ANO3: variants seen among roughly 807,000 people sequenced by gnomAD.
The protein encoded by ANO3 is anoctamin-3.
A neutral mutation model predicts 144.8 loss-of-function variants in ANO3; 99 were observed. That is an observed-to-expected ratio of 0.68 (90% CI 0.58 to 0.81). ANO3 has a LOEUF of 0.81. ANO3 is among the 30% of genes least tolerant of loss of function. ANO3 has a pLI of 0.00. For missense variants in ANO3, 905 were observed against 1,202.2 expected, an observed-to-expected ratio of 0.75 and a Z score of 3.66; for synonymous variants, 414 against 392.6, an observed-to-expected ratio of 1.05 and a Z score of -0.64.
chr11:26,542,201 T>G (rs1261838067), intron 11 of ANO3, 133 bp downstream of exon 11: 1 of 955,860 alleles, frequency 1.0e-6, no homozygotes, highest in Non-Finnish European at 1.4e-6. Flanking sequence ...GATTTTTCAG[T>G]AAAAGAATCT....
intron 1 of ANO3, among the ~76,000 whole-genome samples, chr11:26,208,527 A>G (rs1273297059): frequency 6.8e-6 from 1 of 148,080 alleles, no homozygotes; most frequent in Non-Finnish European, 1.5e-5. Context: ...AAAAAAAAAA[A>G]GGAATTGCAG....
chr11:26,655,402 C>T (rs369814024), intron 24 of ANO3, among the ~76,000 whole-genome samples: 2 of 152,298 alleles, frequency 1.3e-5, no homozygotes, highest in African/African-American at 4.8e-5. Flanking sequence ...GGACTTTTCT[C>T]TCTCTGGAAC....
intron 1 of ANO3, among the ~76,000 whole-genome samples, chr11:26,231,078 C>T (rs1259673423): frequency 6.6e-6 from 1 of 151,864 alleles, no homozygotes; most frequent in Non-Finnish European, 1.5e-5. Flanking sequence ...GGGGTTTCAA[C>T]ATGTTGGTCA....
intron 1 of ANO3, among the ~76,000 whole-genome samples, chr11:26,224,701 G>A (rs988084889): frequency 2.0e-5 from 3 of 152,212 alleles, no homozygotes; most frequent in African/African-American, 7.2e-5. Context: ...TTCTTCAACT[G>A]TTCATTAAAA....
At chr11:26,414,676 G>A (rs867377604) in intron 1 of ANO3, among the ~76,000 whole-genome samples, 24 of 150,882 alleles carry the variant, frequency 1.6e-4, no homozygotes, top group Admixed American at 2.7e-4. Context: ...GTTGATAGGT[G>A]CAGCCAGCCA....
chr11:26,227,515 C>A (rs1852281185), intron 1 of ANO3, among the ~76,000 whole-genome samples: 1 of 152,128 alleles, frequency 6.6e-6, no homozygotes, highest in African/African-American at 2.4e-5. Flanking sequence ...GCTGTGAAAC[C>A]AAATCCATAT....
At chr11:26,415,617 T>C (rs7108703) in intron 1 of ANO3, among the ~76,000 whole-genome samples, 51,364 of 151,854 alleles carry the variant, frequency 0.34, 10,511 homozygotes, top group African/African-American at 0.58. Flanking sequence ...TATTTATTGT[T>C]CCATTTTCCT....
At chr11:26,600,946 G>A (rs992965999) in intron 17 of ANO3, among the ~76,000 whole-genome samples, 2 of 152,048 alleles carry the variant, frequency 1.3e-5, no homozygotes, top group Non-Finnish European at 2.9e-5. Context: ...TGGTTAATGG[G>A]ACAAGAGTAT....
intron 4 of ANO3, among the ~76,000 whole-genome samples, chr11:26,504,528 A>C (rs911325827): frequency 1.3e-5 from 2 of 152,080 alleles, no homozygotes; most frequent in African/African-American, 4.8e-5. Flanking sequence ...TTAATGAATA[A>C]ATTAGCTAGC....
chr11:26,407,076 G>GTGTGTATATA (rs1304651169), intron 1 of ANO3, among the ~76,000 whole-genome samples: 6 of 101,486 alleles, frequency 5.9e-5, no homozygotes, highest in African/African-American at 1.9e-4. Flanking sequence ...GTGTGTGTGT[G>GTGTGTATATA]TATATATATA....
At chr11:26,246,133 C>T (rs116882139) in intron 1 of ANO3, among the ~76,000 whole-genome samples, 2,601 of 152,202 alleles carry the variant, frequency 0.017, 30 homozygotes, top group Non-Finnish European at 0.024. Context: ...AAGGCATCTT[C>T]AGTTCAGCAT....
chr11:26,599,465 G>T lies in ANO3; in HGVS notation c.1672-85G>T. 6 of 1,319,788 alleles carry T rather than the reference G, an allele frequency of 4.5e-6. No individual in the cohort carries two copies. In the South Asian group the frequency reaches 7.1e-5, roughly 16 times the overall value. 81.8% of individuals were successfully genotyped at this position (1,319,788 alleles called of 1,614,324 possible). A position where few individuals can be genotyped will look rare whatever the true frequency, so the allele number is the denominator to read the frequency against. ...AAAGGTAAATACCTTCAATTCTTGG[G>T]GACAGTAGATTTGATCTACGGTTTT... On this transcript the variant is annotated intron_variant, in intron 16 of 26. Transcript: ENST00000256737.
At chr11:26,658,392 T>G (rs555241788) in intron 26 of ANO3, among the ~76,000 whole-genome samples, 14 of 132,876 alleles carry the variant, frequency 1.1e-4, no homozygotes. Flanking sequence ...GGCAGGTGGA[T>G]CACCTGAGGT....
At chr11:26,489,106 G>A (rs902766207) in intron 4 of ANO3, among the ~76,000 whole-genome samples, 5 of 152,152 alleles carry the variant, frequency 3.3e-5, no homozygotes, top group Admixed American at 6.5e-5. Context: ...TCACAGGCCC[G>A]GAGGCCCAGG....
chr11:26,297,184 C>CGTGTGTGTGTGT (rs377447870), intron 1 of ANO3, among the ~76,000 whole-genome samples: 2,065 of 146,404 alleles, frequency 0.014, 22 homozygotes, highest in African/African-American at 0.026. Context: ...TCAACCATTG[C>CGTGTGTGTGTGT]GTGTGTGTGT....
At position 26,598,901 on chromosome 11, in the gene ANO3, A is replaced by T; in HGVS notation, c.1574A>T (p.Glu525Val). 1 of 1,613,946 alleles carries T rather than the reference A, an allele frequency of 6.2e-7. No homozygotes were observed. The highest frequency in any genetic ancestry group is 8.5e-7 in the Non-Finnish European group (1 of 1,179,926). ...TTTGAAGCCAAGTATTACAAGATGG[A>T]GATTGTAAATCCCATCACGGGAAAA... is the stretch of plus-strand genomic sequence containing the variant. ...PQFEAKYYKM[E>V]IVNPITGKPE... Residue 525 changes from glutamate to valine, a missense_variant, in exon 16 of 27, where the codon GAG (glutamate) becomes GTG (valine). Coordinates refer to ENST00000256737, the MANE Select transcript of ANO3 (RefSeq NM_031418.4).
chr11:26,215,912 G>A (rs971970024), intron 1 of ANO3, among the ~76,000 whole-genome samples: 2 of 151,896 alleles, frequency 1.3e-5, no homozygotes, highest in Non-Finnish European at 2.9e-5. Flanking sequence ...CATGTGTAAA[G>A]TTATCAGGAC....
intron 4 of ANO3, among the ~76,000 whole-genome samples, chr11:26,494,777 C>T (rs907534540): frequency 3.3e-5 from 5 of 152,128 alleles, no homozygotes; most frequent in Non-Finnish European, 5.9e-5. Context: ...TAGCATGGAA[C>T]CCAAGGACCT....
intron 5 of ANO3, among the ~76,000 whole-genome samples, chr11:26,514,174 G>C (rs957772613): frequency 6.6e-6 from 1 of 151,704 alleles, no homozygotes; most frequent in African/African-American, 2.4e-5. Context: ...CTGTACTTCA[G>C]AGTTCTTCCC....
Sources: gnomAD v4.1 joint callset for allele counts (sites outside exome capture counted in the v4.1 genomes callset) on GRCh38, gnomAD v4.1.1 for gene constraint, MANE v1.5 for transcripts, NCBI Gene and HGNC (gene_info 2026-07-23, HGNC 2026-07-21) for gene names.